The following KCNH3 variants were observed in gnomAD, a reference collection of about 807,000 sequenced individuals.
KCNH3 encodes voltage-gated inwardly rectifying potassium channel KCNH3.
Under a neutral mutation model 95.6 loss-of-function variants are expected in KCNH3, and 36 were observed. The observed-to-expected ratio is 0.38, with a 90% CI of 0.29 to 0.50. The LOEUF (loss-of-function observed/expected upper bound fraction) is 0.50. KCNH3 is among the 20% of genes least tolerant of loss of function. The pLI, the probability that KCNH3 is intolerant of heterozygous loss-of-function variation, is 0.95. For synonymous variants in KCNH3, 620 were observed against 646.3 expected (o/e 0.96, Z 0.62); for missense variants, 1,030 against 1,484.1 (o/e 0.69, Z 5.03).
intron 10 of KCNH3, among the ~76,000 whole-genome samples, chr12:49,550,963 C>G (rs1324534418): frequency 1.3e-5 from 2 of 152,262 alleles, no homozygotes; most frequent in Non-Finnish European, 2.9e-5. Context: ...AGGGGGCTCA[C>G]AGCGTGACTA....
intron 10 of KCNH3, among the ~76,000 whole-genome samples, chr12:49,553,964 G>A (rs188952053): frequency 6.8e-4 from 103 of 152,356 alleles, no homozygotes; most frequent in African/African-American, 2.3e-3. Flanking sequence ...GGTAGAGATA[G>A]GGCCTGGGTG....
At chr12:49,544,872 A>G (rs1214043241) in intron 7 of KCNH3, among the ~76,000 whole-genome samples, 1 of 152,072 alleles carries the variant, frequency 6.6e-6, no homozygotes, top group East Asian at 1.9e-4. Context: ...TGGCCTAAAA[A>G]GCAGGCTTTC....
Position 49,541,632 on chromosome 12 carries a change from C to CT in KCNH3, c.314dup (p.Phe107ValfsTer13). The CT allele has an allele frequency of 6.2e-7, 1 of 1,613,982 alleles. No individual in the cohort carries two copies. Among genetic ancestry groups the CT allele is most frequent in the Non-Finnish European group, 8.5e-7 (1 of 1,179,968 alleles). Reference sequence around the variant, plus strand: ...GCTGAGTTTGTTTTTGTGCCCAGGGCTCCCGTTCTGGTGTCTCCTGGATGT... The same window carrying CT: ...GCTGAGTTTGTTTTTGTGCCCAGGGCTTCCCGTTCTGGTGTCTCCTGGATGT... On this transcript the variant is annotated frameshift_variant, in exon 3 of 15. Transcript: ENST00000257981. LOFTEE classifies it high-confidence loss of function.
At chr12:49,543,251 C>T (rs756571276) in intron 4 of KCNH3, 24 bp from the exon 5 acceptor site, 6 of 1,610,072 alleles carry the variant, frequency 3.7e-6, no homozygotes, top group Non-Finnish European at 5.1e-6. Flanking sequence ...TCCTCTCTGC[C>T]TGGACCTGCC....
intron 10 of KCNH3, among the ~76,000 whole-genome samples, chr12:49,551,805 T>C (rs964967400): frequency 2.0e-4 from 30 of 152,128 alleles, no homozygotes; most frequent in African/African-American, 7.2e-4. Flanking sequence ...GCCCTGGGGC[T>C]GAGGTTTCTC....
Position 49,539,299 on chromosome 12 carries a change from C to T in KCNH3, c.-118C>T. 1 of 480,170 alleles carries T rather than the reference C, an allele frequency of 2.1e-6. No homozygotes were observed. The highest frequency in any genetic ancestry group is 3.2e-6 in the Non-Finnish European group (1 of 316,494). The allele number at this position is 480,170 out of a possible 1,614,324, so 29.7% of individuals were successfully genotyped here. ...CGGATCCCGGTCTGCGCATTGCCCCCCGACGGCTGCGCTAGGGAGCGCGGG... is the reference window on the plus strand; with the variant it reads ...CGGATCCCGGTCTGCGCATTGCCCCTCGACGGCTGCGCTAGGGAGCGCGGG... On this transcript the variant is annotated 5_prime_UTR_variant, in exon 1 of 15. Coordinates refer to ENST00000257981, the MANE Select transcript of KCNH3 (RefSeq NM_012284.3). This position sits in a 1 kb window ranked among gnomAD's most constrained non-coding sequence, Gnocchi z 6.7.
intron 10 of KCNH3, among the ~76,000 whole-genome samples, chr12:49,551,372 T>A (rs1399448523): frequency 6.6e-6 from 1 of 151,922 alleles, no homozygotes; most frequent in Admixed American, 6.6e-5. Flanking sequence ...GGTCAGGAGT[T>A]CAAGACCAGC....
intron 2 of KCNH3, among the ~76,000 whole-genome samples, 194 bp from the exon 3 acceptor site, chr12:49,541,436 T>C (rs369705411): frequency 1.3e-5 from 2 of 152,312 alleles, no homozygotes; most frequent in East Asian, 1.9e-4. Flanking sequence ...CTGACCGTCA[T>C]GTTTGCTCTC....
chr12:49,548,957 G>C lies in KCNH3; in HGVS notation c.1252G>C (p.Ala418Pro). ...TPYYLVGRRP[A>P]GGNSSGQSDN... is the part of the protein sequence containing the mutation. ...CTACTACCTGGTGGGCCGGAGGCCA[G>C]CTGGAGGGAACAGCTCCGGCCAGAG... Residue 418 changes from alanine to proline, a missense_variant, in exon 8 of 15, where the codon GCT becomes CCT. Coordinates refer to ENST00000257981, the MANE Select transcript of KCNH3 (RefSeq NM_012284.3). 6.2e-7 allele frequency: 1 copy of C among 1,608,114 alleles called. No homozygotes were observed. Among genetic ancestry groups the C allele is most frequent in the Non-Finnish European group, 8.5e-7 (1 of 1,177,960 alleles).
chr12:49,550,490 A>C (rs1938223587), intron 10 of KCNH3, among the ~76,000 whole-genome samples, 161 bp downstream of exon 10: 1 of 152,200 alleles, frequency 6.6e-6, no homozygotes, highest in African/African-American at 2.4e-5. Flanking sequence ...AGCTCAGAGA[A>C]GCCCCAGTGA....
chr12:49,544,156 C>G lies in KCNH3; in HGVS notation c.982-19C>G. The G allele has an allele frequency of 6.3e-7, 1 of 1,590,804 alleles. No individual in the cohort carries two copies. The highest frequency in any genetic ancestry group is 1.1e-5 in the South Asian group (1 of 90,026). The stretch of plus-strand genomic sequence containing the variant: ...CCCGCTGACCTCCCTCCCTCCCTCC[C>G]TCCCTCCCCGCATCTCAGTACTTCG... On this transcript the variant is annotated intron_variant, in intron 6 of 14. Coordinates refer to ENST00000257981, the MANE Select transcript of KCNH3 (RefSeq NM_012284.3).
At chr12:49,547,862 C>A (rs1468383246) in intron 7 of KCNH3, among the ~76,000 whole-genome samples, 1 of 152,068 alleles carries the variant, frequency 6.6e-6, no homozygotes, top group Non-Finnish European at 1.5e-5. Flanking sequence ...CGCCCTCTCT[C>A]CCTTGCACCC....
rs1938367707 is a variant in KCNH3 at position 49,554,569 on chromosome 12, T to G, written c.2136+15T>G. The G allele has an allele frequency of 6.2e-7, 1 of 1,601,364 alleles. No individual in the cohort carries two copies. The highest frequency in any genetic ancestry group is 1.3e-5 in the African/African-American group (1 of 74,740). ...GCTCTGCAGAGGTGAGTGTGCTGAG[T>G]ATGTGCTTGGAGGGGATGGGGGTGC... On this transcript the variant is annotated intron_variant, in intron 11 of 14. Transcript: ENST00000257981.
intron 7 of KCNH3, among the ~76,000 whole-genome samples, chr12:49,547,648 C>T (rs1433648940): frequency 6.6e-6 from 1 of 152,030 alleles, no homozygotes; most frequent in Non-Finnish European, 1.5e-5. Flanking sequence ...TGTGAGGTTG[C>T]TGAATGAATG....
intron 7 of KCNH3, among the ~76,000 whole-genome samples, chr12:49,545,857 A>C (rs1938044139): frequency 6.6e-6 from 1 of 151,916 alleles, no homozygotes; most frequent in South Asian, 2.1e-4. Flanking sequence ...ACCCATTTGA[A>C]ATTTTCCCCA....
rs779014264 is a variant in KCNH3, at chr12:49,541,735, G to A, written c.416G>A (p.Arg139Gln). 11 of 1,614,184 alleles carry A rather than the reference G, an allele frequency of 6.8e-6. No homozygotes were observed. Among genetic ancestry groups the A allele is most frequent in the South Asian group, 2.2e-5 (2 of 91,080 alleles). The change falls in exon 3 of 15, where the codon CGA becomes CAA. Residue 139 changes from arginine to glutamine, a missense_variant. This residue lies in a region of KCNH3 where 92 missense variants were observed against 92.7 expected (regional missense o/e 0.99). Transcript: ENST00000257981. ...SHKDISETKN[R>Q]GGPDRWKETG... ...AAGGACATCAGCGAAACCAAGAACC[G>A]AGGGGGCCCCGACAGATGGAAGGAG... is the stretch of plus-strand genomic sequence containing the variant.
chr12:49,556,571 A>AT, intron 13 of KCNH3, 95 bp downstream of exon 13: 4 of 910,092 alleles, frequency 4.4e-6, no homozygotes, highest in Non-Finnish European at 7.2e-6. Flanking sequence ...AATGTTAGAG[A>AT]AACTGGCAGA....
chr12:49,544,141 T>TCCCAG, intron 6 of KCNH3, 34 bp from the exon 7 acceptor site: 2 of 1,413,420 alleles, frequency 1.4e-6, no homozygotes, highest in Non-Finnish European at 1.9e-6. Context: ...CCCGCTGACC[T>TCCCAG]CCCTCCCTCC....
intron 10 of KCNH3, among the ~76,000 whole-genome samples, chr12:49,551,702 T>C (rs936521915): frequency 3.3e-5 from 5 of 151,782 alleles, no homozygotes; most frequent in Admixed American, 2.0e-4. Context: ...CAAGGACTTG[T>C]ACATGTGGGG....
Sources: allele counts gnomAD v4.1 joint callset (sites outside exome capture counted in the v4.1 genomes callset), GRCh38; gene constraint gnomAD v4.1.1; regional missense constraint gnomAD v4.1.1; non-coding constraint Gnocchi (gnomAD v3.1); transcripts MANE v1.5; gene names NCBI Gene and HGNC (gene_info 2026-07-23, HGNC 2026-07-21).